The following MDGA2 variants were observed in gnomAD, a reference collection of about 807,000 sequenced individuals.
MDGA2 encodes MAM domain-containing glycosylphosphatidylinositol anchor protein 2.
MDGA2 carries 40 observed loss-of-function variants against 117.8 expected under a neutral mutation model. That is an observed-to-expected ratio of 0.34 (90% CI 0.26 to 0.44). The LOEUF (loss-of-function observed/expected upper bound fraction) is 0.44. MDGA2 is among the 20% of genes least tolerant of loss of function. The pLI, the probability that MDGA2 is intolerant of heterozygous loss-of-function variation, is 1.00. For missense variants in MDGA2, 1,123 were observed against 1,250.6 expected, an observed-to-expected ratio of 0.90 and a Z score of 1.54; for synonymous variants, 452 against 439.0, an observed-to-expected ratio of 1.03 and a Z score of -0.37.
intron 3 of MDGA2, chr14:47,200,436 T>C (rs1885450687): frequency 2.4e-6 from 1 of 418,034 alleles, no homozygotes; most frequent in African/African-American, 2.1e-5. Flanking sequence ...CAATCAAGAG[T>C]TTAATGCCAT....
chr14:47,467,456 A>G (rs1166427006), intron 1 of MDGA2, among the ~76,000 whole-genome samples: 2 of 152,104 alleles, frequency 1.3e-5, no homozygotes, highest in Non-Finnish European at 2.9e-5. Context: ...GGAGACTGTC[A>G]CCTTTCACCC....
chr14:46,959,108 T>C (rs1049980807), intron 8 of MDGA2, among the ~76,000 whole-genome samples: 1 of 152,212 alleles, frequency 6.6e-6, no homozygotes, highest in Non-Finnish European at 1.5e-5. Flanking sequence ...AAATTCTCCT[T>C]GTAGTTCTGC....
In MDGA2 at chr14:47,675,180, G is replaced by A. The variant is rs1021898383; in HGVS notation, c.-384C>T. On this transcript the variant is annotated 5_prime_UTR_variant, in exon 1 of 17. Coordinates refer to ENST00000399232, the MANE Select transcript of MDGA2 (RefSeq NM_001113498.3). ...GCGAAGGTCCCCGGAGGGGCGTCAA[G>A]CGGCGACAGCGGCCCGCCCGCCCGC... 3.3e-5 allele frequency among the ~76,000 whole-genome samples: 5 copies of A among 152,116 alleles called. No individual in the cohort carries two copies. Among genetic ancestry groups the A allele is most frequent in the African/African-American group, 1.2e-4 (5 of 41,444 alleles).
At chr14:47,367,730 C>T (rs1891260798) in intron 1 of MDGA2, among the ~76,000 whole-genome samples, 1 of 152,164 alleles carries the variant, frequency 6.6e-6, no homozygotes, top group Non-Finnish European at 1.5e-5. Context: ...TGACCTCCTA[C>T]CTCCCTTCTG....
chr14:47,212,755 C>A (rs1281632590), intron 3 of MDGA2, among the ~76,000 whole-genome samples: 3 of 152,132 alleles, frequency 2.0e-5, no homozygotes, highest in African/African-American at 4.8e-5. Flanking sequence ...TACCGCGGAA[C>A]CTTGTAGTGT....
At chr14:47,430,801 T>G (rs1892783210) in intron 1 of MDGA2, among the ~76,000 whole-genome samples, 1 of 152,138 alleles carries the variant, frequency 6.6e-6, no homozygotes, top group South Asian at 2.1e-4. Flanking sequence ...TGACCAAGTA[T>G]AAGAATTATC....
At chr14:47,223,304 G>A (rs1886365219) in intron 2 of MDGA2, among the ~76,000 whole-genome samples, 1 of 152,060 alleles carries the variant, frequency 6.6e-6, no homozygotes, top group South Asian at 2.1e-4. Flanking sequence ...TAAACCTTAA[G>A]TACCCTCTAC....
chr14:47,448,857 A>G (rs768183567), intron 1 of MDGA2, among the ~76,000 whole-genome samples: 9 of 152,180 alleles, frequency 5.9e-5, no homozygotes, highest in Admixed American at 1.3e-4. Flanking sequence ...CTTAGCTTGC[A>G]GGATCTGATA....
chr14:47,161,513 A>G (rs1883632440), intron 3 of MDGA2, among the ~76,000 whole-genome samples: 1 of 151,796 alleles, frequency 6.6e-6, no homozygotes, highest in African/African-American at 2.4e-5. Flanking sequence ...TTATATATAT[A>G]TTTCAACTTA....
chr14:47,200,688 G>A, intron 3 of MDGA2: 1 of 1,013,122 alleles, frequency 9.9e-7, no homozygotes, highest in Non-Finnish European at 1.5e-6. Flanking sequence ...TTCCAGTACT[G>A]GATCTTGGCC....
chr14:47,206,007 T>C (rs1280810525), intron 3 of MDGA2, among the ~76,000 whole-genome samples: 1 of 152,028 alleles, frequency 6.6e-6, no homozygotes, highest in Non-Finnish European at 1.5e-5. Flanking sequence ...AGGGCACTAT[T>C]CAAAAACATT....
intron 9 of MDGA2, 114 bp downstream of exon 9, chr14:46,957,260 G>A: frequency 9.9e-7 from 1 of 1,005,894 alleles, no homozygotes; most frequent in Non-Finnish European, 1.4e-6. Flanking sequence ...GAGGAGTCAA[G>A]CTGTTCTATG....
chr14:46,937,823 T>C (rs927066982), intron 9 of MDGA2, among the ~76,000 whole-genome samples: 2 of 152,146 alleles, frequency 1.3e-5, no homozygotes, highest in African/African-American at 4.8e-5. Flanking sequence ...AAGGCTTAAA[T>C]GTAAGATCTG....
intron 1 of MDGA2, among the ~76,000 whole-genome samples, chr14:47,598,552 A>G (rs544286762): frequency 7.2e-5 from 11 of 152,346 alleles, no homozygotes; most frequent in Non-Finnish European, 1.6e-4. Flanking sequence ...AAACATGTTT[A>G]GTGAATAATT....
At chr14:47,043,199 C>T (rs935345999) in intron 7 of MDGA2, among the ~76,000 whole-genome samples, 2 of 151,986 alleles carry the variant, frequency 1.3e-5, no homozygotes, top group Non-Finnish European at 2.9e-5. Context: ...GCTAGACATT[C>T]CTCATTTATT....
chr14:47,064,038 T>C (rs1176523445), intron 6 of MDGA2, among the ~76,000 whole-genome samples: 2 of 151,982 alleles, frequency 1.3e-5, no homozygotes, highest in Admixed American at 1.3e-4. Flanking sequence ...TCAGTATCTG[T>C]ATTATGTTAT....
chr14:47,573,595 T>G (rs1179664361), intron 1 of MDGA2, among the ~76,000 whole-genome samples: 1 of 152,226 alleles, frequency 6.6e-6, no homozygotes, highest in Admixed American at 6.5e-5. Context: ...TTACCTAATG[T>G]GCTCGGGTAT....
At chr14:47,292,166 G>A (rs572895585) in intron 2 of MDGA2, among the ~76,000 whole-genome samples, 7 of 152,178 alleles carry the variant, frequency 4.6e-5, no homozygotes, top group Non-Finnish European at 8.8e-5. Context: ...GAAATGAATA[G>A]ATGCATGATG....
At chr14:47,049,140 A>G (rs1437962162) in intron 7 of MDGA2, among the ~76,000 whole-genome samples, 6 of 152,116 alleles carry the variant, frequency 3.9e-5, no homozygotes, top group African/African-American at 1.4e-4. Context: ...TGGACTACTT[A>G]CGTTTCATTT....
Sources: gnomAD v4.1 joint callset for allele counts (sites outside exome capture counted in the v4.1 genomes callset) on GRCh38, gnomAD v4.1.1 for gene constraint, MANE v1.5 for transcripts, NCBI Gene and HGNC (gene_info 2026-07-23, HGNC 2026-07-21) for gene names.